PLPPR5: variants seen among roughly 807,000 people sequenced by gnomAD.
PLPPR5 encodes phospholipid phosphatase related 5.
Under a neutral mutation model 33.9 loss-of-function variants are expected in PLPPR5, and 16 were observed. The ratio of observed to expected loss-of-function variants is 0.47; its 90% CI spans 0.32 to 0.72. The LOEUF is 0.72. Among genes scored for constraint, PLPPR5 ranks in the 30% least tolerant of loss-of-function variants. PLPPR5 has a pLI of 0.03. For missense variants in PLPPR5, 301 were observed against 406.7 expected (o/e 0.74, Z 2.23); for synonymous variants, 163 against 150.3 (o/e 1.08, Z -0.62).
At chr1:98,971,768 A>G (rs1480154563) in intron 1 of PLPPR5, among the ~76,000 whole-genome samples, 2 of 152,118 alleles carry the variant, frequency 1.3e-5, no homozygotes, top group Admixed American at 6.6e-5. Context: ...AGCAATGCCC[A>G]GTGAAATTTT....
intron 1 of PLPPR5, among the ~76,000 whole-genome samples, chr1:98,959,056 G>A (rs185366883): frequency 7.0e-4 from 106 of 152,202 alleles, no homozygotes; most frequent in Non-Finnish European, 9.7e-4. Context: ...TCAAAAAACC[G>A]TCAGCTTCAA....
At chr1:98,962,917 G>A (rs905234070) in intron 1 of PLPPR5, among the ~76,000 whole-genome samples, 1 of 152,108 alleles carries the variant, frequency 6.6e-6, no homozygotes, top group African/African-American at 2.4e-5. Flanking sequence ...CCAAAGCACT[G>A]GGATTACAGG....
In PLPPR5 at chr1:98,914,860, C is replaced by T. The variant is rs777252432; in HGVS notation, c.859G>A (p.Asp287Asn). The T allele has an allele frequency of 8.7e-6, 14 of 1,613,084 alleles. No homozygotes were observed. The East Asian group carries it at 3.1e-4, about 36-fold the overall frequency. The part of the protein sequence containing the change: ...RQAENEHIHM[D>N]NLAQMPMISI... ...ATCATTGGCATCTGTGCCAGATTAT[C>T]CATGTGTATATGCTCATTTTCTGCT... Residue 287 changes from aspartate to asparagine, a missense_variant, in exon 5 of 6, where the codon GAT (aspartate) becomes AAT (asparagine). Asp to Asn is a conservative substitution (Grantham distance 23). Transcript: ENST00000263177.
intron 1 of PLPPR5, among the ~76,000 whole-genome samples, chr1:99,001,279 C>G (rs982825490): frequency 2.0e-5 from 3 of 151,788 alleles, no homozygotes; most frequent in Admixed American, 1.3e-4. Context: ...GGACTACAGG[C>G]GCCCGCCACC....
At chr1:98,954,067 G>C (rs1163271920) in intron 2 of PLPPR5, among the ~76,000 whole-genome samples, 1 of 152,074 alleles carries the variant, frequency 6.6e-6, no homozygotes, top group African/African-American at 2.4e-5. Context: ...ATTTGCTTTG[G>C]TTACCTGAAG....
intron 1 of PLPPR5, among the ~76,000 whole-genome samples, chr1:98,993,096 C>T (rs1441115831): frequency 6.6e-6 from 1 of 152,120 alleles, no homozygotes; most frequent in Non-Finnish European, 1.5e-5. Flanking sequence ...GTCTGCTACA[C>T]AGTAAGTGCT....
At chr1:98,970,667 T>C (rs945053618) in intron 1 of PLPPR5, among the ~76,000 whole-genome samples, 6 of 151,972 alleles carry the variant, frequency 3.9e-5, no homozygotes, top group African/African-American at 1.4e-4. Flanking sequence ...ATGAGGTTGA[T>C]ATTATTACCT....
intron 3 of PLPPR5, among the ~76,000 whole-genome samples, chr1:98,929,727 A>G (rs1649898333): frequency 6.6e-6 from 1 of 152,198 alleles, no homozygotes; most frequent in South Asian, 2.1e-4. Flanking sequence ...TTACATGGAG[A>G]CTATTTATCT....
intron 1 of PLPPR5, among the ~76,000 whole-genome samples, chr1:98,990,369 C>CCAAAACAAAA (rs1652410826): frequency 6.6e-6 from 1 of 151,498 alleles, no homozygotes; most frequent in Non-Finnish European, 1.5e-5. Context: ...GAGGCTCATC[C>CCAAAACAAAA]CAAAATAAAA....
chr1:98,926,008 C>T (rs1380622089), intron 3 of PLPPR5, among the ~76,000 whole-genome samples: 1 of 152,162 alleles, frequency 6.6e-6, no homozygotes, highest in Non-Finnish European at 1.5e-5. Context: ...TTTGGAGAAC[C>T]TTTTTCTTTC....
chr1:98,975,788 C>T (rs980240429), intron 1 of PLPPR5, among the ~76,000 whole-genome samples: 9 of 151,906 alleles, frequency 5.9e-5, no homozygotes, highest in Non-Finnish European at 1.3e-4. Context: ...CCAAGCTCTA[C>T]CGAACCAACA....
intron 1 of PLPPR5, among the ~76,000 whole-genome samples, chr1:98,982,714 G>A (rs1174000621): frequency 6.6e-6 from 1 of 152,010 alleles, no homozygotes; most frequent in Non-Finnish European, 1.5e-5. Context: ...GACAGTTCTT[G>A]CAACCTAAGG....
intron 1 of PLPPR5, among the ~76,000 whole-genome samples, chr1:98,986,502 T>G (rs72732415): frequency 0.07 from 10,610 of 151,764 alleles, 504 homozygotes; most frequent in Non-Finnish European, 0.096. Context: ...AAAGTAAGGC[T>G]TTTTTTAATA....
chr1:99,002,408 T>G lies in PLPPR5; in HGVS notation c.237+2027A>C, dbSNP rs564776335. On this transcript the variant is annotated intron_variant, in intron 1 of 5. Transcript: ENST00000263177. Reference sequence around the variant, plus strand: ...GAGAACAAGCTCTTTGGAAGCAATGTAAGTCGCATGGCATTCAGGCATCCG... The same window carrying G: ...GAGAACAAGCTCTTTGGAAGCAATGGAAGTCGCATGGCATTCAGGCATCCG... 1.5e-4 allele frequency among the ~76,000 whole-genome samples: 23 copies of G among 152,342 alleles called. No homozygotes were observed. The South Asian group carries it at 4.6e-3, about 30-fold the overall frequency.
intron 4 of PLPPR5, among the ~76,000 whole-genome samples, chr1:98,920,311 A>T (rs1026523092): frequency 6.6e-6 from 1 of 152,132 alleles, no homozygotes; most frequent in Non-Finnish European, 1.5e-5. Context: ...GCTGAAATAC[A>T]GTTGCATCTG....
At chr1:98,930,052 A>G (rs929633824) in intron 3 of PLPPR5, among the ~76,000 whole-genome samples, 2 of 152,224 alleles carry the variant, frequency 1.3e-5, no homozygotes, top group African/African-American at 4.8e-5. Flanking sequence ...TTCCCTGACT[A>G]GCAAGTAAGG....
intron 3 of PLPPR5, among the ~76,000 whole-genome samples, chr1:98,948,866 T>C (rs948291975): frequency 1.3e-5 from 2 of 152,174 alleles, no homozygotes; most frequent in African/African-American, 4.8e-5. Flanking sequence ...AACAGATTGT[T>C]GTTGTTTTAA....
chr1:98,991,275 A>C (rs1272821500), intron 1 of PLPPR5: 4 of 149,082 alleles, frequency 2.7e-5, no homozygotes, highest in African/African-American at 9.8e-5. Flanking sequence ...TGTTTTGCCT[A>C]TTTGAAAAAA....
chr1:98,899,655 CTTGTTTTT>C (rs1648614676), intron 5 of PLPPR5, among the ~76,000 whole-genome samples: 2 of 138,568 alleles, frequency 1.4e-5, no homozygotes. Flanking sequence ...GTTTATTTCA[CTTGTTTTT>C]TTTTTTTTTT....
Sources: allele counts gnomAD v4.1 joint callset (sites outside exome capture counted in the v4.1 genomes callset), GRCh38; gene constraint gnomAD v4.1.1; transcripts MANE v1.5; gene names NCBI Gene and HGNC (gene_info 2026-07-23, HGNC 2026-07-21).